B3GALT1: variants seen among roughly 807,000 people sequenced by gnomAD.
B3GALT1 encodes beta-1,3-galactosyltransferase 1.
In B3GALT1, 10 loss-of-function variants were observed where a neutral mutation model predicts 23.2. That is an observed-to-expected ratio of 0.43 (90% CI 0.27 to 0.73). The LOEUF (loss-of-function observed/expected upper bound fraction) is 0.73, where lower values mean the gene tolerates loss of function less well. Among genes scored for constraint, B3GALT1 ranks in the 30% least tolerant of loss-of-function variants. The pLI is 0.21. For missense variants in B3GALT1, 299 were observed against 405.4 expected (o/e 0.74, Z 2.25); for synonymous variants, 156 against 141.5 (o/e 1.10, Z -0.73).
At chr2:167,704,616 A>G (rs1686941758) in intron 3 of B3GALT1, among the ~76,000 whole-genome samples, 1 of 152,104 alleles carries the variant, frequency 6.6e-6, no homozygotes, top group South Asian at 2.1e-4. Flanking sequence ...CTGAGCTGGA[A>G]TTACTATAGA....
intron 2 of B3GALT1, among the ~76,000 whole-genome samples, chr2:167,491,302 C>A (rs984968962): frequency 6.6e-6 from 1 of 152,100 alleles, no homozygotes; most frequent in Non-Finnish European, 1.5e-5. Context: ...TCTTCTGTAC[C>A]TTATTCCAAT....
intron 1 of B3GALT1, among the ~76,000 whole-genome samples, chr2:167,435,192 A>T (rs1698764080): frequency 6.6e-6 from 1 of 152,036 alleles, no homozygotes; most frequent in Admixed American, 6.6e-5. Flanking sequence ...TTTAGGCTTT[A>T]CAACAACCTT....
intron 3 of B3GALT1, among the ~76,000 whole-genome samples, chr2:167,788,647 C>G (rs1310370910): frequency 6.6e-6 from 1 of 152,064 alleles, no homozygotes; most frequent in Non-Finnish European, 1.5e-5. Flanking sequence ...AAGCTTCACT[C>G]CTTGCCCACC....
At chr2:167,612,392 T>TTAC (rs1437901923) in intron 2 of B3GALT1, among the ~76,000 whole-genome samples, 2 of 150,198 alleles carry the variant, frequency 1.3e-5, no homozygotes, top group Non-Finnish European at 3.0e-5. Flanking sequence ...ATTATTATTA[T>TTAC]TATTTTGTAG....
At position 167,374,598 on chromosome 2, in the gene B3GALT1, T is replaced by C. The variant is rs1209342269; in HGVS notation, c.-511+81264T>C. Reference sequence around the variant, plus strand: ...TCTCACTGGTTTTGATTTGCATTTCTCTGATGGTTAGTGATGTGGAGCATT... The same window carrying C: ...TCTCACTGGTTTTGATTTGCATTTCCCTGATGGTTAGTGATGTGGAGCATT... On this transcript the variant is annotated intron_variant, in intron 1 of 4. Transcript: ENST00000392690. Among the ~76,000 whole-genome samples, 6 of 152,202 alleles carry C rather than the reference T, an allele frequency of 3.9e-5. 1 individual carries two copies. The highest frequency in any genetic ancestry group is 3.9e-4 in the Admixed American group (6 of 15,270).
At chr2:167,340,780 A>G (rs1697135668) in intron 1 of B3GALT1, among the ~76,000 whole-genome samples, 1 of 152,210 alleles carries the variant, frequency 6.6e-6, no homozygotes, top group African/African-American at 2.4e-5. Context: ...TTTTAAATTC[A>G]CAATGTCTTC....
intron 2 of B3GALT1, among the ~76,000 whole-genome samples, chr2:167,619,130 T>A (rs989612849): frequency 3.3e-5 from 5 of 151,938 alleles, no homozygotes. Context: ...TTAAAAAACA[T>A]CTTTCTCTTC....
chr2:167,368,425 C>T (rs918910330), intron 1 of B3GALT1, among the ~76,000 whole-genome samples: 1 of 152,164 alleles, frequency 6.6e-6, no homozygotes, highest in African/African-American at 2.4e-5. Context: ...AATCCCATTG[C>T]CTCCAACTCA....
intron 1 of B3GALT1, among the ~76,000 whole-genome samples, chr2:167,475,606 A>G (rs112782643): frequency 0.041 from 6,203 of 152,154 alleles, 414 homozygotes; most frequent in African/African-American, 0.14. Flanking sequence ...CCTGATAAGC[A>G]CTTGGTTAAG....
At chr2:167,406,515 C>T (rs1161285703) in intron 1 of B3GALT1, among the ~76,000 whole-genome samples, 1 of 152,174 alleles carries the variant, frequency 6.6e-6, no homozygotes, top group East Asian at 1.9e-4. Context: ...GCGCCAAGCA[C>T]ACAGGAAATC....
Position 167,602,105 on chromosome 2 carries a change from G to A in B3GALT1, c.-409-44804G>A, listed in dbSNP as rs185612347. On this transcript the variant is annotated intron_variant, in intron 2 of 4. Transcript: ENST00000392690. ...CAATTTTTTAAAACATTGATATAGA[G>A]TATCTGCAATTGAGACAGAATATTT... 6.6e-5 allele frequency among the ~76,000 whole-genome samples: 10 copies of A among 152,290 alleles called. 1 individual carries two copies. The highest frequency in any genetic ancestry group is 5.9e-4 in the Admixed American group (9 of 15,302).
At chr2:167,844,890 G>A (rs746006565) in intron 4 of B3GALT1, among the ~76,000 whole-genome samples, 1 of 152,146 alleles carries the variant, frequency 6.6e-6, no homozygotes, top group African/African-American at 2.4e-5. Context: ...GAAACAGACT[G>A]GGGGCTGTTA....
rs111420686 is a variant in B3GALT1, at chr2:167,497,019, C to T, written c.-410+6742C>T. Among the ~76,000 whole-genome samples, 423 of 152,174 alleles carry T rather than the reference C, an allele frequency of 2.8e-3. 1 individual carries two copies. Among genetic ancestry groups the T allele is most frequent in the African/African-American group, 1.0e-2 (415 of 41,516 alleles). On this transcript the variant is annotated intron_variant, in intron 2 of 4. Transcript: ENST00000392690. ...TGTATACATATGTAACAAACCTGCACGTTGTGCACATGTACCCTAAAACTT... is the reference window on the plus strand; with the variant it reads ...TGTATACATATGTAACAAACCTGCATGTTGTGCACATGTACCCTAAAACTT...
At chr2:167,620,273 A>T (rs943925165) in intron 2 of B3GALT1, among the ~76,000 whole-genome samples, 1 of 152,112 alleles carries the variant, frequency 6.6e-6, no homozygotes, top group African/African-American at 2.4e-5. Flanking sequence ...TCATATGGCT[A>T]ACCCATAAAT....
intron 2 of B3GALT1, among the ~76,000 whole-genome samples, chr2:167,554,077 G>A (rs989503341): frequency 2.6e-5 from 4 of 152,270 alleles, no homozygotes; most frequent in Admixed American, 6.5e-5. Context: ...GAGCATGACC[G>A]CTGGTCACTG....
chr2:167,449,645 G>A (rs868523262), intron 1 of B3GALT1, among the ~76,000 whole-genome samples: 26 of 152,148 alleles, frequency 1.7e-4, no homozygotes, highest in Admixed American at 8.5e-4. Flanking sequence ...TAGAAGTGGT[G>A]AGAGTAAGTA....
At chr2:167,654,058 G>C (rs1234837489) in intron 3 of B3GALT1, among the ~76,000 whole-genome samples, 1 of 152,138 alleles carries the variant, frequency 6.6e-6, no homozygotes, top group Non-Finnish European at 1.5e-5. Flanking sequence ...TACAGTGGTG[G>C]TTAAAGTGTG....
At chr2:167,841,088 G>A (rs1227002183) in intron 4 of B3GALT1, among the ~76,000 whole-genome samples, 2 of 151,282 alleles carry the variant, frequency 1.3e-5, no homozygotes, top group African/African-American at 4.9e-5. Context: ...TGATGAGTTA[G>A]TAGGTGCAGG....
At chr2:167,541,330 A>G (rs1683530976) in intron 2 of B3GALT1, among the ~76,000 whole-genome samples, 1 of 152,142 alleles carries the variant, frequency 6.6e-6, no homozygotes, top group Admixed American at 6.5e-5. Context: ...TCTAAATACT[A>G]ATTTATTTTA....
Sources: allele counts gnomAD v4.1 joint callset (sites outside exome capture counted in the v4.1 genomes callset), GRCh38; gene constraint gnomAD v4.1.1; transcripts MANE v1.5; gene names NCBI Gene and HGNC (gene_info 2026-07-23, HGNC 2026-07-21).